Variants in SAMD3 observed in about 807,000 individuals in gnomAD.
The protein encoded by SAMD3 is sterile alpha motif domain-containing protein 3.
In SAMD3, 63 loss-of-function variants were observed where a neutral mutation model predicts 58.5. That is an observed-to-expected ratio of 1.08 (90% confidence interval 0.88 to 1.33). The LOEUF is 1.33. Among genes scored for constraint, SAMD3 ranks in the 40% most tolerant of loss-of-function variants. SAMD3 has a pLI of 0.00. For missense variants in SAMD3, 604 were observed against 608.4 expected (o/e 0.99, Z 0.08); for synonymous variants, 220 against 210.3 (o/e 1.05, Z -0.40).
chr6:130,177,276 A>G (rs192681101), intron 7 of SAMD3, among the ~76,000 whole-genome samples: 42 of 152,296 alleles, frequency 2.8e-4, no homozygotes, highest in African/African-American at 9.9e-4. Context: ...AAACCTCTAC[A>G]GAGAATTCGT....
intron 2 of SAMD3, among the ~76,000 whole-genome samples, chr6:130,310,656 A>G (rs1776118897): frequency 1.3e-5 from 2 of 152,226 alleles, no homozygotes; most frequent in African/African-American, 4.8e-5. Context: ...TACTGAATTC[A>G]AAATTACAGT....
intron 8 of SAMD3, among the ~76,000 whole-genome samples, chr6:130,173,965 C>A (rs117639040): frequency 0.011 from 1,735 of 152,262 alleles, 17 homozygotes; most frequent in Admixed American, 0.018. Flanking sequence ...CCTCCCAGCT[C>A]CTTAGTACTG....
chr6:130,345,858 T>G (rs568829708), intron 1 of SAMD3, among the ~76,000 whole-genome samples: 18 of 152,294 alleles, frequency 1.2e-4, no homozygotes, highest in Admixed American at 1.2e-3. Context: ...AAAGTCTCAG[T>G]ATCTGTCATG....
intron 2 of SAMD3, among the ~76,000 whole-genome samples, chr6:130,309,922 A>AAGAGAGAGAGAGGG (rs1487520190): frequency 3.9e-5 from 6 of 151,962 alleles, no homozygotes; most frequent in African/African-American, 1.4e-4. Flanking sequence ...ATATCATATG[A>AAGAGAGAGAGAGGG]AGAGAGAGAG....
chr6:130,256,419 A>T (rs1773928987), intron 2 of SAMD3, among the ~76,000 whole-genome samples: 1 of 152,158 alleles, frequency 6.6e-6, no homozygotes, highest in African/African-American at 2.4e-5. Context: ...CTGTGCACTA[A>T]ATCTTGACTA....
rs182462270 is a variant in SAMD3 at position 130,346,458 on chromosome 6, G to A, written c.-304+18662C>T. Among the ~76,000 whole-genome samples the A allele has an allele frequency of 3.9e-5, 6 of 152,066 alleles. No homozygotes were observed. In the East Asian group the frequency reaches 5.8e-4, roughly 15 times the overall value. ...CTGGCTTGGAGGGTCCTATGCCCAC[G>A]GAGCCTCGCTCATTGCTAGCACACC... On this transcript the variant is annotated intron_variant, in intron 1 of 13. Coordinates refer to the SAMD3 transcript ENST00000368134.
intron 2 of SAMD3, among the ~76,000 whole-genome samples, chr6:130,302,296 A>T (rs949710780): frequency 2.0e-4 from 30 of 152,350 alleles, no homozygotes; most frequent in African/African-American, 7.0e-4. Flanking sequence ...TGAAAAGAAG[A>T]TATACAAGAG....
At chr6:130,355,995 C>T (rs561454090) in intron 1 of SAMD3, among the ~76,000 whole-genome samples, 3 of 152,202 alleles carry the variant, frequency 2.0e-5, no homozygotes, top group Non-Finnish European at 4.4e-5. Context: ...TTTAGAGGTG[C>T]AGCCTATTTT....
intron 5 of SAMD3, among the ~76,000 whole-genome samples, chr6:130,204,084 T>A (rs1326938960): frequency 6.6e-6 from 1 of 152,230 alleles, no homozygotes; most frequent in African/African-American, 2.4e-5. Flanking sequence ...AAATAATTTT[T>A]AAATATGCAT....
chr6:130,189,813 C>T (rs1793361436), intron 5 of SAMD3, among the ~76,000 whole-genome samples: 1 of 152,172 alleles, frequency 6.6e-6, no homozygotes, highest in Non-Finnish European at 1.5e-5. Flanking sequence ...ACTGAAAACA[C>T]TGAAATGTGA....
chr6:130,259,635 A>G (rs1774045770), intron 2 of SAMD3, among the ~76,000 whole-genome samples: 3 of 152,188 alleles, frequency 2.0e-5, no homozygotes, highest in Admixed American at 2.0e-4. Context: ...TTGTCTCAGT[A>G]CCCGATTTAG....
intron 2 of SAMD3, among the ~76,000 whole-genome samples, chr6:130,266,329 A>G (rs907093906): frequency 2.6e-5 from 4 of 152,194 alleles, no homozygotes; most frequent in Non-Finnish European, 5.9e-5. Context: ...AGGAACTGTA[A>G]TAGGAGATCA....
At chr6:130,204,113 T>A (rs1794866588) in intron 5 of SAMD3, among the ~76,000 whole-genome samples, 1 of 152,204 alleles carries the variant, frequency 6.6e-6, no homozygotes, top group African/African-American at 2.4e-5. Flanking sequence ...GACTAATTTA[T>A]AATTATACCC....
At chr6:130,306,981 T>G (rs1433331174) in intron 2 of SAMD3, among the ~76,000 whole-genome samples, 1 of 152,240 alleles carries the variant, frequency 6.6e-6, no homozygotes, top group African/African-American at 2.4e-5. Context: ...ATGCGGATGA[T>G]CTAGCTATTG....
At chr6:130,267,379 CA>C (rs1318803535) in intron 2 of SAMD3, among the ~76,000 whole-genome samples, 1 of 152,124 alleles carries the variant, frequency 6.6e-6, no homozygotes, top group Non-Finnish European at 1.5e-5. Context: ...CTTAGTTCAC[CA>C]AAATGCTTCA....
chr6:130,147,124 T>TC (rs1788709696), intron 9 of SAMD3, among the ~76,000 whole-genome samples: 1 of 151,914 alleles, frequency 6.6e-6, no homozygotes, highest in Non-Finnish European at 1.5e-5. Flanking sequence ...CCACCACCAC[T>TC]CCCCCTCCTG....
intron 2 of SAMD3, among the ~76,000 whole-genome samples, chr6:130,253,989 G>A (rs1485914221): frequency 6.6e-6 from 1 of 151,728 alleles, no homozygotes; most frequent in Non-Finnish European, 1.5e-5. Context: ...GCATTTTGCT[G>A]TAGTTACCCA....
At position 130,184,566 on chromosome 6, in the gene SAMD3, A is replaced by G. The variant is rs1295676519; in HGVS notation, c.441T>C (p.Tyr147=). 5.0e-6 allele frequency: 8 copies of G among 1,614,198 alleles called. No homozygotes were observed. In the South Asian group the frequency reaches 7.7e-5, roughly 16 times the overall value. The change falls in exon 6 of 12, where the codon TAT becomes TAC. Residue 147 remains tyrosine (Y), a synonymous_variant. Coordinates refer to ENST00000439090, the MANE Select transcript of SAMD3 (RefSeq NM_001017373.4). ...RSKALQWTKS[Y]VLPEFPYDVK... ...CATCATAGGGAAACTCTGGTAAAAC[A>G]TAGGACTTCGTCCACTGTAATGCTT...
At chr6:130,303,125 G>C (rs908837806) in intron 2 of SAMD3, among the ~76,000 whole-genome samples, 1 of 152,090 alleles carries the variant, frequency 6.6e-6, no homozygotes. Context: ...TGCCTGCCCT[G>C]GGGGACTCTA....
Sources: gnomAD v4.1 joint callset for allele counts (sites outside exome capture counted in the v4.1 genomes callset) on GRCh38, gnomAD v4.1.1 for gene constraint, MANE v1.5 for transcripts, NCBI Gene and HGNC (gene_info 2026-07-23, HGNC 2026-07-21) for gene names.